The following SHANK2 variants were observed in gnomAD, a reference collection of about 807,000 sequenced individuals.
SHANK2 encodes SH3 and multiple ankyrin repeat domains protein 2.
SHANK2 carries 43 observed loss-of-function variants against 133.7 expected under a neutral mutation model. The ratio of observed to expected loss-of-function variants is 0.32; its 90% CI spans 0.25 to 0.41. SHANK2 has a LOEUF of 0.41. SHANK2 is among the 10% of genes least tolerant of loss of function. SHANK2 has a pLI of 1.00. For synonymous variants in SHANK2, 1,017 were observed against 952.8 expected, an observed-to-expected ratio of 1.07 and a Z score of -1.24; for missense variants, 1,994 against 2,235.8, an observed-to-expected ratio of 0.89 and a Z score of 2.18.
intron 4 of SHANK2, among the ~76,000 whole-genome samples, chr11:71,117,612 G>A (rs1555100608): frequency 2.0e-5 from 3 of 152,124 alleles, no homozygotes. Context: ...TTCATCCTAT[G>A]TAATGCCTAT....
chr11:71,169,011 G>A (rs566696742), intron 2 of SHANK2, among the ~76,000 whole-genome samples: 1 of 152,262 alleles, frequency 6.6e-6, no homozygotes, highest in African/African-American at 2.4e-5. Flanking sequence ...TGGTGCAAAA[G>A]TAATTGTGGG....
intron 10 of SHANK2, among the ~76,000 whole-genome samples, chr11:70,935,753 T>C (rs1308287742): frequency 6.6e-6 from 1 of 152,162 alleles, no homozygotes; most frequent in Non-Finnish European, 1.5e-5. Context: ...TTCCAAGATC[T>C]GAAAGGCCTA....
intron 2 of SHANK2, among the ~76,000 whole-genome samples, chr11:71,214,536 G>T (rs1312367996): frequency 2.6e-5 from 4 of 152,214 alleles, no homozygotes; most frequent in African/African-American, 7.2e-5. Flanking sequence ...ACACGTTTCC[G>T]AAGAAGTGTC....
intron 10 of SHANK2, among the ~76,000 whole-genome samples, chr11:70,916,405 C>T (rs975824717): frequency 1.3e-5 from 2 of 151,990 alleles, no homozygotes; most frequent in Non-Finnish European, 2.9e-5. Flanking sequence ...ACACAGTGGA[C>T]AGAGGTACAG....
chr11:70,944,710 C>T (rs1159081678), intron 10 of SHANK2, among the ~76,000 whole-genome samples: 1 of 152,202 alleles, frequency 6.6e-6, no homozygotes, highest in Non-Finnish European at 1.5e-5. Flanking sequence ...GCCCTTTCAA[C>T]TGGGAATCAC....
chr11:70,695,879 G>A (rs1174349698), intron 15 of SHANK2, among the ~76,000 whole-genome samples: 12 of 152,164 alleles, frequency 7.9e-5, no homozygotes, highest in African/African-American at 1.9e-4. Context: ...CTGATCCCTC[G>A]CCATGGGAGT....
chr11:71,065,863 C>T (rs1377049852), intron 9 of SHANK2, among the ~76,000 whole-genome samples: 18 of 32,690 alleles, frequency 5.5e-4, no homozygotes, highest in African/African-American at 1.9e-3. Flanking sequence ...GGGAGATGAG[C>T]GGTGAGTGGG....
At chr11:71,204,789 G>C (rs562449194) in intron 2 of SHANK2, among the ~76,000 whole-genome samples, 1 of 152,296 alleles carries the variant, frequency 6.6e-6, no homozygotes, top group East Asian at 1.9e-4. Context: ...AGCCACGCCA[G>C]ACAAGTCCTG....
At position 71,228,286 on chromosome 11, in the gene SHANK2, A is replaced by G. The variant is rs918635733; in HGVS notation, c.-112-3490T>C. Among the ~76,000 whole-genome samples, 42 of 152,248 alleles carry G rather than the reference A, an allele frequency of 2.8e-4. 1 individual carries two copies. Among genetic ancestry groups the G allele is most frequent in the Admixed American group, 2.6e-3 (39 of 15,282 alleles). ...TTTTTAAACTCCAGTTTTTTTGAGAAAAAGAAATCTTTAGACCTAAATGAG... is the reference window on the plus strand; with the variant it reads ...TTTTTAAACTCCAGTTTTTTTGAGAGAAAGAAATCTTTAGACCTAAATGAG... On this transcript the variant is annotated intron_variant, in intron 1 of 25. Transcript: ENST00000601538.
In SHANK2 at chr11:70,869,418, T is replaced by C. The variant is rs565466652; in HGVS notation, c.1174+27083A>G. On this transcript the variant is annotated intron_variant, in intron 11 of 25. Transcript: ENST00000601538. ...CCGATCGGCACGTTATTAAACCCAC[T>C]GGGACCAACAGAACTCCACACATCC... Among the ~76,000 whole-genome samples, 190 of 152,278 alleles carry C rather than the reference T, an allele frequency of 1.2e-3. 1 individual carries two copies. The highest frequency in any genetic ancestry group is 2.1e-3 in the Non-Finnish European group (144 of 68,022).
chr11:71,146,231 G>A lies in SHANK2; in HGVS notation c.207+889C>T, dbSNP rs1182737204. On this transcript the variant is annotated intron_variant, in intron 3 of 25. Coordinates refer to ENST00000601538, the MANE Select transcript of SHANK2 (RefSeq NM_012309.5). ...GGCCACATGTGGCACAGTCCCCGCC[G>A]TGAGCAAGAGGGAACGTGGCTGGGC... Among the ~76,000 whole-genome samples the A allele has an allele frequency of 1.8e-4, 27 of 152,238 alleles. 1 individual carries two copies. Among genetic ancestry groups the A allele is most frequent in the Admixed American group, 8.5e-4 (13 of 15,288 alleles).
At chr11:70,558,958 C>A (rs1348386837) in intron 17 of SHANK2, among the ~76,000 whole-genome samples, 1 of 152,118 alleles carries the variant, frequency 6.6e-6, no homozygotes, top group Non-Finnish European at 1.5e-5. Flanking sequence ...CACACACACG[C>A]CTCTTAATAA....
intron 14 of SHANK2, among the ~76,000 whole-genome samples, chr11:70,740,740 C>T (rs997158852): frequency 2.6e-5 from 4 of 152,172 alleles, no homozygotes; most frequent in Non-Finnish European, 4.4e-5. Flanking sequence ...CCAGAAGAAG[C>T]GTCAGCTGGC....
Position 70,599,941 on chromosome 11 carries a change from A to T in SHANK2, c.2061+59887T>A, listed in dbSNP as rs7483255. 5.8e-3 allele frequency among the ~76,000 whole-genome samples: 749 copies of T among 129,142 alleles called. 7 individuals are homozygous for T. Among genetic ancestry groups the T allele is most frequent in the East Asian group, 0.027 (127 of 4,736 alleles). The allele number at this position is 129,142 out of a possible 152,430, so 84.7% of individuals were successfully genotyped here. A position where few individuals can be genotyped will look rare whatever the true frequency, so the allele number is the denominator to read the frequency against. ...AAAGAAAGAAAGAAAGAAAGAAAGA[A>T]AGAAAGAAAGAAAGAAAGAAAGAAA... On this transcript the variant is annotated intron_variant, in intron 17 of 25. Transcript: ENST00000601538.
In SHANK2 at chr11:70,949,892, G is replaced by A. The variant is rs117274900; in HGVS notation, c.1108-53325C>T. Among the ~76,000 whole-genome samples the A allele has an allele frequency of 9.9e-3, 1,508 of 152,346 alleles. 13 individuals are homozygous for A. The highest frequency in any genetic ancestry group is 0.017 in the Middle Eastern group (5 of 294). On this transcript the variant is annotated intron_variant, in intron 10 of 25. Transcript: ENST00000601538. ...TCGGGGCCTCTATGCCAAAACACCT[G>A]AGGCTGGGTCGATTATAAATGGCAG...
At chr11:70,700,250 A>C (rs1945490024) in intron 14 of SHANK2, among the ~76,000 whole-genome samples, 1 of 152,166 alleles carries the variant, frequency 6.6e-6, no homozygotes, top group South Asian at 2.1e-4. Flanking sequence ...CGTCACTGAC[A>C]CTTATTGAGC....
At chr11:70,888,102 T>C (rs550754551) in intron 11 of SHANK2, among the ~76,000 whole-genome samples, 5 of 152,208 alleles carry the variant, frequency 3.3e-5, no homozygotes, top group Admixed American at 6.5e-5. Flanking sequence ...TCTAGAGTCC[T>C]CTGGTGATCA....
At chr11:70,659,490 T>C (rs1299692314) in intron 17 of SHANK2, among the ~76,000 whole-genome samples, 1 of 152,158 alleles carries the variant, frequency 6.6e-6, no homozygotes, top group African/African-American at 2.4e-5. Flanking sequence ...TTGGTGCCTA[T>C]TTAGTCACAA....
intron 17 of SHANK2, among the ~76,000 whole-genome samples, chr11:70,611,224 G>T (rs1315850046): frequency 6.6e-6 from 1 of 152,238 alleles, no homozygotes; most frequent in Non-Finnish European, 1.5e-5. Flanking sequence ...AAAACTGCAG[G>T]AAAAGGCTGG....
Sources: gnomAD v4.1 joint callset for allele counts (sites outside exome capture counted in the v4.1 genomes callset) on GRCh38, gnomAD v4.1.1 for gene constraint, MANE v1.5 for transcripts, NCBI Gene and HGNC (gene_info 2026-07-23, HGNC 2026-07-21) for gene names.